Variants in GFRA3 observed in about 807,000 individuals in gnomAD.
GFRA3 encodes the protein GDNF family receptor alpha 3.
In GFRA3, 24 loss-of-function variants were observed where a neutral mutation model predicts 40.0. That is an observed-to-expected ratio of 0.60 (90% CI 0.43 to 0.84). The LOEUF (loss-of-function observed/expected upper bound fraction) is 0.84, where lower values mean the gene tolerates loss of function less well. GFRA3 is among the 40% of genes least tolerant of loss of function. GFRA3 has a pLI of 0.00. For missense variants in GFRA3, 405 were observed against 530.6 expected (o/e 0.76, Z 2.33); for synonymous variants, 203 against 213.5 (o/e 0.95, Z 0.43).
chr5:138,270,185 C>T (rs1394476350), intron 1 of GFRA3, among the ~76,000 whole-genome samples: 1 of 148,750 alleles, frequency 6.7e-6, no homozygotes, highest in Non-Finnish European at 1.5e-5. Flanking sequence ...AACAGTGAAA[C>T]CCCGTCTCCA....
rs529215796 is a variant in GFRA3 at position 138,270,557 on chromosome 5, G to A, written c.91+3777C>T. On this transcript the variant is annotated intron_variant, in intron 1 of 7. Coordinates refer to ENST00000274721, the MANE Select transcript of GFRA3 (RefSeq NM_001496.4). ...ATGATACAATGGACTTGGGGACTTG[G>A]GGGGAAGCGTGGGGGAGGGGAAGGG... 4.3e-3 allele frequency among the ~76,000 whole-genome samples: 659 copies of A among 151,918 alleles called. 1 individual carries two copies. The highest frequency in any genetic ancestry group is 7.1e-3 in the Non-Finnish European group (485 of 67,990).
chr5:138,273,066 T>G (rs1755900061), intron 1 of GFRA3, among the ~76,000 whole-genome samples: 1 of 151,968 alleles, frequency 6.6e-6, no homozygotes, highest in African/African-American at 2.4e-5. Flanking sequence ...CAAGACCGAG[T>G]CAAGGCTAGA....
intron 4 of GFRA3, among the ~76,000 whole-genome samples, chr5:138,255,152 T>C (rs1755609878): frequency 6.6e-6 from 1 of 151,864 alleles, no homozygotes; most frequent in African/African-American, 2.4e-5. Context: ...GAAGGATCGA[T>C]TTACCTTATT....
intron 1 of GFRA3, among the ~76,000 whole-genome samples, chr5:138,265,606 G>A (rs996705775): frequency 1.3e-5 from 2 of 152,144 alleles, no homozygotes; most frequent in Non-Finnish European, 2.9e-5. Flanking sequence ...TTCTCCATGT[G>A]TGTCACTACC....
At chr5:138,253,123 C>T (rs1755572910) in intron 7 of GFRA3, 66 bp from the exon 8 acceptor site, 1 of 944,102 alleles carries the variant, frequency 1.1e-6, no homozygotes, top group Non-Finnish European at 1.7e-6. Flanking sequence ...ACCTCAGCCT[C>T]AGTCAAGAGG....
intron 1 of GFRA3, among the ~76,000 whole-genome samples, chr5:138,270,137 G>A (rs1446172031): frequency 6.7e-6 from 1 of 148,718 alleles, no homozygotes; most frequent in East Asian, 2.0e-4. Context: ...TGAGACAGTC[G>A]GATCACAAGG....
In GFRA3 at chr5:138,274,401, T is replaced by A; in HGVS notation, c.24A>T (p.Arg8=). MVRPLNP[R]PLPPVVLMLL... is the part of the protein sequence containing the mutation. ...ACATCAGGACTACGGGCGGCAGCGG[T>A]CGCGGGTTCAGGGGGCGCACCATGG... is the stretch of plus-strand genomic sequence containing the variant. The change falls in exon 1 of 8, where the codon CGA becomes CGT. Residue 8 remains arginine (R), a synonymous_variant. Transcript: ENST00000274721. 7.6e-7 allele frequency: 1 copy of A among 1,313,236 alleles called. No homozygotes were observed. The highest frequency in any genetic ancestry group is 9.7e-7 in the Non-Finnish European group (1 of 1,026,532). 81.3% of individuals were successfully genotyped at this position (1,313,236 alleles called of 1,614,324 possible).
chr5:138,257,085 G>A (rs1281655799), intron 4 of GFRA3, among the ~76,000 whole-genome samples: 1 of 152,072 alleles, frequency 6.6e-6, no homozygotes, highest in African/African-American at 2.4e-5. Flanking sequence ...ATCCCATGAG[G>A]TCTGCATTAT....
chr5:138,274,263 C>A, intron 1 of GFRA3, 71 bp downstream of exon 1: 1 of 1,305,912 alleles, frequency 7.7e-7, no homozygotes, highest in Non-Finnish European at 9.8e-7. Flanking sequence ...CGGACAGGTG[C>A]CCCGGGCCTC....
At chr5:138,261,693 CAAAAAAAAAAA>C (rs70979598) in intron 2 of GFRA3, among the ~76,000 whole-genome samples, 1 of 46,376 alleles carries the variant, frequency 2.2e-5, no homozygotes, top group Non-Finnish European at 3.8e-5. Flanking sequence ...GACTCTGTCT[CAAAAAAAAAAA>C]AAAAAAAAAA....
chr5:138,273,673 A>G (rs1359323658), intron 1 of GFRA3, among the ~76,000 whole-genome samples: 1 of 151,884 alleles, frequency 6.6e-6, no homozygotes, highest in Non-Finnish European at 1.5e-5. Context: ...ACACACCCAT[A>G]CCACTCACGA....
chr5:138,264,740 A>G (rs572731023), intron 1 of GFRA3, among the ~76,000 whole-genome samples, 192 bp from the exon 2 acceptor site: 19 of 152,294 alleles, frequency 1.2e-4, no homozygotes. Flanking sequence ...CAGCTGCCAC[A>G]GTCGGGACAG....
chr5:138,257,892 G>A lies in GFRA3; in HGVS notation c.532C>T (p.Leu178=), dbSNP rs1013523545. The A allele has an allele frequency of 1.9e-6, 3 of 1,613,978 alleles. No homozygotes were observed. Among genetic ancestry groups the A allele is most frequent in the Non-Finnish European group, 2.5e-6 (3 of 1,179,948 alleles). The part of the protein sequence containing the change: ...LCTLNDKCDR[L]RKAYGEACSG... ...CACGCCTCCCCGTAGGCCTTGCGCA[G>A]CCGGTCACACTTGTCATTGAGAGTA... The change falls in exon 4 of 8, where the codon CTG becomes TTG. Residue 178 remains leucine (L), a synonymous_variant. Transcript: ENST00000274721.
At chr5:138,260,914 G>A (rs958343525) in intron 2 of GFRA3, among the ~76,000 whole-genome samples, 26 of 152,030 alleles carry the variant, frequency 1.7e-4, no homozygotes, top group Admixed American at 1.1e-3. Flanking sequence ...CCAGCTACTC[G>A]AGAGGCTGAG....
chr5:138,268,409 CA>C (rs59137747), intron 1 of GFRA3, among the ~76,000 whole-genome samples: 106,336 of 116,146 alleles, frequency 0.92, 48,399 homozygotes, highest in Middle Eastern at 0.96. Context: ...AAAGCAAATG[CA>C]AAAAAAAAAA....
At chr5:138,269,218 GAAA>G (rs1755830868) in intron 1 of GFRA3, among the ~76,000 whole-genome samples, 1 of 152,102 alleles carries the variant, frequency 6.6e-6, no homozygotes, top group South Asian at 2.1e-4. Flanking sequence ...AGCCACTGAG[GAAA>G]ACAGTCTGGA....
In GFRA3 at chr5:138,274,450, C is replaced by T. The variant is rs966851924; in HGVS notation, c.-26G>A. ...GGCGAGCTGTAGGCGCCGGGCTCCGCGCTCCCCTCGCTCCTCCCCTGGAGC... is the reference window on the plus strand; with the variant it reads ...GGCGAGCTGTAGGCGCCGGGCTCCGTGCTCCCCTCGCTCCTCCCCTGGAGC... On this transcript the variant is annotated 5_prime_UTR_variant, in exon 1 of 8. Transcript: ENST00000274721. 10 of 1,283,400 alleles carry T rather than the reference C, an allele frequency of 7.8e-6. No homozygotes were observed. Among genetic ancestry groups the T allele is most frequent in the Non-Finnish European group, 8.9e-6 (9 of 1,012,444 alleles). The allele number at this position is 1,283,400 out of a possible 1,614,324, so 79.5% of individuals were successfully genotyped here. A position where few individuals can be genotyped will look rare whatever the true frequency, so the allele number is the denominator to read the frequency against.
chr5:138,265,539 T>G (rs1461129490), intron 1 of GFRA3, among the ~76,000 whole-genome samples: 1 of 151,864 alleles, frequency 6.6e-6, no homozygotes, highest in Non-Finnish European at 1.5e-5. Context: ...TTTCACAGCC[T>G]GTGTTCAATT....
intron 1 of GFRA3, among the ~76,000 whole-genome samples, chr5:138,266,018 A>G (rs1755777691): frequency 1.3e-5 from 2 of 152,148 alleles, no homozygotes. Flanking sequence ...TTCTTTATGG[A>G]TGACTAATAT....
Sources: gnomAD v4.1 joint callset for allele counts (sites outside exome capture counted in the v4.1 genomes callset) on GRCh38, gnomAD v4.1.1 for gene constraint, MANE v1.5 for transcripts, NCBI Gene and HGNC (gene_info 2026-07-23, HGNC 2026-07-21) for gene names.